SLC8A1: variants seen among roughly 807,000 people sequenced by gnomAD.
SLC8A1 encodes the protein solute carrier family 8 member A1, also known as sodium/calcium exchanger 1.
SLC8A1 carries 18 observed loss-of-function variants against 68.3 expected under a neutral mutation model. That is an observed-to-expected ratio of 0.26 (90% CI 0.18 to 0.39). The LOEUF is 0.39. Ranked by LOEUF, SLC8A1 falls within the 10% of genes least tolerant of loss-of-function variation. The pLI, the probability that SLC8A1 is intolerant of heterozygous loss-of-function variation, is 1.00. For missense variants in SLC8A1, 985 were observed against 1,156.7 expected, an observed-to-expected ratio of 0.85 and a Z score of 2.15; for synonymous variants, 475 against 415.5, an observed-to-expected ratio of 1.14 and a Z score of -1.74.
At position 40,226,792 on chromosome 2, in the gene SLC8A1, T is replaced by C. The variant is rs530991960; in HGVS notation, c.1809-48937A>G. 3.4e-4 allele frequency among the ~76,000 whole-genome samples: 52 copies of C among 152,310 alleles called. 1 individual carries two copies. The South Asian group carries it at 9.1e-3, about 27-fold the overall frequency. On this transcript the variant is annotated intron_variant, in intron 2 of 7. Coordinates refer to ENST00000406785, the Ensembl canonical transcript of SLC8A1. ...TAAAAGATTACTTGGTAGCTTTTAG[T>C]ATAATCCTGAAATTAGTTAATGGAA...
intron 2 of SLC8A1, chr2:40,223,660 C>T (rs2058629238): frequency 1.3e-5 from 2 of 151,998 alleles, no homozygotes. Flanking sequence ...GTAAAAAAGA[C>T]CAATTTGCAA....
intron 1 of SLC8A1, among the ~76,000 whole-genome samples, chr2:40,475,715 A>T (rs549099847): frequency 3.3e-5 from 5 of 152,172 alleles, no homozygotes; most frequent in South Asian, 2.1e-4. Flanking sequence ...AAATAACTAC[A>T]TTTGCCAAAA....
At chr2:40,369,963 A>G (rs968024196) in intron 2 of SLC8A1, among the ~76,000 whole-genome samples, 1 of 152,154 alleles carries the variant, frequency 6.6e-6, no homozygotes, top group Non-Finnish European at 1.5e-5. Flanking sequence ...ATATTTCTGT[A>G]AAGATAAAGA....
rs75022150 is a variant in SLC8A1, at chr2:40,407,712, C to T, written c.1808+20761G>A. Among the ~76,000 whole-genome samples, 4 of 152,246 alleles carry T rather than the reference C, an allele frequency of 2.6e-5. No individual in the cohort carries two copies. In the East Asian group the frequency reaches 7.7e-4, roughly 29 times the overall value. On this transcript the variant is annotated intron_variant, in intron 2 of 7. Coordinates refer to ENST00000406785, the Ensembl canonical transcript of SLC8A1. ...AAAAGACATCCTCTATCTTGTTTAC[C>T]CTTATGTCCCCAACTTCCTGGCACT...
chr2:40,222,915 T>C, intron 2 of SLC8A1, among the ~76,000 whole-genome samples: 1 of 152,202 alleles, frequency 6.6e-6, no homozygotes, highest in Admixed American at 6.5e-5. Flanking sequence ...TTTACACTTT[T>C]GTTGGGAGTA....
chr2:40,476,483 G>C (rs1704303128), intron 1 of SLC8A1, among the ~76,000 whole-genome samples: 1 of 152,194 alleles, frequency 6.6e-6, no homozygotes, highest in African/African-American at 2.4e-5. Context: ...GCAAGCTTTG[G>C]GGAAATAGAA....
chr2:40,414,306 C>T (rs1281824599), intron 2 of SLC8A1, among the ~76,000 whole-genome samples: 5 of 152,172 alleles, frequency 3.3e-5, no homozygotes, highest in African/African-American at 1.2e-4. Context: ...AAGCAAACAT[C>T]TGTACACATC....
chr2:40,420,866 G>A (rs986849139), intron 2 of SLC8A1, among the ~76,000 whole-genome samples: 11 of 152,144 alleles, frequency 7.2e-5, no homozygotes, highest in African/African-American at 2.7e-4. Flanking sequence ...TTACAGTCAA[G>A]CAGTGCTGCT....
intron 7 of SLC8A1, among the ~76,000 whole-genome samples, chr2:40,137,861 A>T (rs971057073): frequency 6.6e-6 from 1 of 152,116 alleles, no homozygotes; most frequent in Non-Finnish European, 1.5e-5. Context: ...TACCAGAAGC[A>T]TGTGGAGTCT....
At chr2:40,335,966 G>A (rs1665847163) in intron 2 of SLC8A1, among the ~76,000 whole-genome samples, 1 of 152,212 alleles carries the variant, frequency 6.6e-6, no homozygotes, top group Non-Finnish European at 1.5e-5. Context: ...TGGGGAGAAA[G>A]GAAAAGTCCA....
At chr2:40,479,154 A>G (rs112345990) in intron 1 of SLC8A1, among the ~76,000 whole-genome samples, 9 of 152,320 alleles carry the variant, frequency 5.9e-5, no homozygotes, top group African/African-American at 1.9e-4. Context: ...AAAGATTTAG[A>G]CATGTGACTG....
chr2:40,239,930 T>G (rs1574542399), intron 2 of SLC8A1, among the ~76,000 whole-genome samples: 2 of 152,136 alleles, frequency 1.3e-5, no homozygotes, highest in Admixed American at 1.3e-4. Flanking sequence ...GTAAGAAGAG[T>G]AGTTTTCTCA....
At chr2:40,250,536 T>G (rs868110741) in intron 2 of SLC8A1, 86 of 152,186 alleles carry the variant, frequency 5.7e-4, no homozygotes, top group African/African-American at 1.9e-3. Context: ...GGGGGCGGTG[T>G]CAGGAGACTC....
chr2:40,417,903 C>T (rs561871192), intron 2 of SLC8A1, among the ~76,000 whole-genome samples: 14 of 103,526 alleles, frequency 1.4e-4, no homozygotes, highest in South Asian at 2.9e-4. Flanking sequence ...ACAAGGTAAA[C>T]GCACAGAGTC....
intron 1 of SLC8A1, among the ~76,000 whole-genome samples, chr2:40,480,760 C>T (rs536940916): frequency 3.3e-5 from 5 of 152,246 alleles, no homozygotes; most frequent in South Asian, 2.1e-4. Context: ...TCCCAGTCCA[C>T]ATATTGTCGA....
At chr2:40,109,967 A>AG (rs2034460964) in exon 8 of SLC8A1, 1 of 152,240 alleles carries the variant, frequency 6.6e-6, no homozygotes, top group South Asian at 2.1e-4. Context: ...AAAGTAAAAC[A>AG]AAATAAACAA....
At chr2:40,367,931 T>TA (rs1160567420) in intron 2 of SLC8A1, among the ~76,000 whole-genome samples, 2 of 152,070 alleles carry the variant, frequency 1.3e-5, no homozygotes, top group Non-Finnish European at 2.9e-5. Flanking sequence ...GGACACTTGG[T>TA]ATTTTTCAAA....
At chr2:40,499,970 A>G (rs757455420) in intron 1 of SLC8A1, among the ~76,000 whole-genome samples, 7 of 152,092 alleles carry the variant, frequency 4.6e-5, no homozygotes, top group Non-Finnish European at 8.8e-5. Flanking sequence ...GAAAGTGGGA[A>G]AAGGCTTCTT....
chr2:40,341,180 T>A (rs1001272331), intron 2 of SLC8A1, among the ~76,000 whole-genome samples: 3 of 152,210 alleles, frequency 2.0e-5, no homozygotes, highest in Admixed American at 6.5e-5. Flanking sequence ...CTTATTTTTT[T>A]ACATACGGGA....
Sources: gnomAD v4.1 joint callset for allele counts (sites outside exome capture counted in the v4.1 genomes callset) on GRCh38, gnomAD v4.1.1 for gene constraint, MANE v1.5 for transcripts, NCBI Gene and HGNC (gene_info 2026-07-23, HGNC 2026-07-21) for gene names.